The following PCDHGB1 variants were observed in gnomAD, a reference collection of about 807,000 sequenced individuals.
PCDHGB1 encodes the protein protocadherin gamma-B1.
A neutral mutation model predicts 56.6 loss-of-function variants in PCDHGB1; 34 were observed. The ratio of observed to expected loss-of-function variants is 0.60; its 90% confidence interval spans 0.46 to 0.80. PCDHGB1 has a LOEUF of 0.80. Ranked by LOEUF, PCDHGB1 falls within the 30% of genes least tolerant of loss-of-function variation. PCDHGB1 has a pLI of 0.00. For synonymous variants in PCDHGB1, 561 were observed against 505.9 expected, an observed-to-expected ratio of 1.11 and a Z score of -1.46; for missense variants, 1,278 against 1,204.6, an observed-to-expected ratio of 1.06 and a Z score of -0.90.
Position 141,390,222 on chromosome 5 carries a change from G to A in PCDHGB1, c.2409+37553G>A, listed in dbSNP as rs758225583. The A allele has an allele frequency of 1.1e-5, 18 of 1,613,904 alleles. 1 individual carries two copies. In the Middle Eastern group the frequency reaches 9.9e-4, roughly 88 times the overall value. ...GAGTTCAGGACAAGACATACTTTGC[G>A]GTGATTCATCTGGGGCCTTATTTCC... On this transcript the variant is annotated intron_variant, in intron 1 of 3. Transcript: ENST00000523390.
intron 1 of PCDHGB1, among the ~76,000 whole-genome samples, chr5:141,492,927 G>A (rs925569925): frequency 2.0e-5 from 3 of 152,180 alleles, no homozygotes; most frequent in Admixed American, 6.5e-5. Context: ...AGCGATCTAG[G>A]GTCAGAGATT....
chr5:141,395,363 T>C (rs2093221465), intron 1 of PCDHGB1: 2 of 1,278,044 alleles, frequency 1.6e-6, no homozygotes, highest in Admixed American at 5.9e-5. Context: ...GTTTTGGGTT[T>C]ATTTTGGTGG....
chr5:141,459,886 G>A (rs932435611), intron 1 of PCDHGB1, among the ~76,000 whole-genome samples: 2 of 152,080 alleles, frequency 1.3e-5, no homozygotes, highest in Non-Finnish European at 2.9e-5. Context: ...TGAGCTGAAC[G>A]CCTTCTTAAA....
chr5:141,383,107 G>A, intron 1 of PCDHGB1: 1 of 1,614,032 alleles, frequency 6.2e-7, no homozygotes, highest in South Asian at 1.1e-5. Context: ...CATCTCCAGA[G>A]GTAGGACGCA....
chr5:141,502,825 G>A (rs1487995525), intron 2 of PCDHGB1, among the ~76,000 whole-genome samples: 4 of 151,216 alleles, frequency 2.6e-5, no homozygotes, highest in South Asian at 2.1e-4. Flanking sequence ...TTTCCTTGGG[G>A]AAGCCTGGAC....
At chr5:141,394,692 C>T (rs1356120664) in intron 1 of PCDHGB1, 1 of 1,613,028 alleles carries the variant, frequency 6.2e-7, no homozygotes, top group Non-Finnish European at 8.5e-7. Context: ...GGGCGAGGTG[C>T]GCACGGCGCG....
At chr5:141,413,767 C>A in intron 1 of PCDHGB1, 1 of 1,612,972 alleles carries the variant, frequency 6.2e-7, no homozygotes, top group South Asian at 1.1e-5. Flanking sequence ...GTACCCGGAG[C>A]TGGTACTGGA....
chr5:141,376,623 G>A (rs559036357), intron 1 of PCDHGB1: 243 of 1,327,112 alleles, frequency 1.8e-4, no homozygotes, highest in Middle Eastern at 7.8e-4. Context: ...TTTGGTACAG[G>A]AAGATTCGTG....
rs757691247 is a variant in PCDHGB1 at position 141,399,920 on chromosome 5, C to T, written c.2409+47251C>T. On this transcript the variant is annotated intron_variant, in intron 1 of 3. Coordinates refer to ENST00000523390, the MANE Select transcript of PCDHGB1 (RefSeq NM_018922.3). ...GTGGACGCAGACTCAGGACACAACG[C>T]CTGGCTGTCCTACCACGTGCTGCAG... is the stretch of plus-strand genomic sequence containing the variant. 1.2e-5 allele frequency: 20 copies of T among 1,612,216 alleles called. No homozygotes were observed. The South Asian group carries it at 2.1e-4, about 17-fold the overall frequency.
chr5:141,449,782 T>C (rs2098655261), intron 1 of PCDHGB1, among the ~76,000 whole-genome samples: 1 of 151,720 alleles, frequency 6.6e-6, no homozygotes, highest in South Asian at 2.1e-4. Flanking sequence ...GAAATTATGT[T>C]TCTTTATTCC....
intron 1 of PCDHGB1, chr5:141,366,006 C>G: frequency 1.9e-6 from 3 of 1,614,240 alleles, no homozygotes; most frequent in Non-Finnish European, 2.5e-6. Context: ...AACGACAATA[C>G]GCCTGAGATC....
chr5:141,383,388 C>A (rs764387936), intron 1 of PCDHGB1: 106 of 1,613,860 alleles, frequency 6.6e-5, no homozygotes, highest in Non-Finnish European at 8.6e-5. Flanking sequence ...CAGATGTGGG[C>A]ACGAACTCCC....
intron 1 of PCDHGB1, among the ~76,000 whole-genome samples, chr5:141,445,784 G>A (rs2098477494): frequency 6.6e-6 from 1 of 152,168 alleles, no homozygotes; most frequent in Non-Finnish European, 1.5e-5. Flanking sequence ...GGGCTAGGGA[G>A]GCTAGAAACA....
chr5:141,363,100 A>G (rs1762808567), intron 1 of PCDHGB1, among the ~76,000 whole-genome samples: 3 of 152,266 alleles, frequency 2.0e-5, no homozygotes, highest in Admixed American at 2.0e-4. Context: ...AAGGACAGGC[A>G]ATGTTTGAGG....
intron 1 of PCDHGB1, chr5:141,417,116 C>A (rs1407873769): frequency 6.6e-6 from 1 of 151,954 alleles, no homozygotes; most frequent in Non-Finnish European, 1.5e-5. Context: ...ATACAGGACA[C>A]CCTGGATGAT....
At chr5:141,433,150 G>C (rs1466566074) in intron 1 of PCDHGB1, 5 of 1,613,936 alleles carry the variant, frequency 3.1e-6, no homozygotes, top group Middle Eastern at 1.6e-4. Flanking sequence ...CAGGTGATTC[G>C]GTATTTTCTA....
chr5:141,485,226 T>C lies in PCDHGB1; in HGVS notation c.2410-9581T>C. ...GAAATCTGGCGGTGGGCTACCCTTT[T>C]GTTCCTCTTTTACCACCTGGGTTAC... On this transcript the variant is annotated intron_variant, in intron 1 of 3. Transcript: ENST00000523390. The surrounding 1 kb of genome is among the most constrained non-coding windows in gnomAD (Gnocchi z 5.7). 1.9e-6 allele frequency: 3 copies of C among 1,614,170 alleles called. No homozygotes were observed. Among genetic ancestry groups the C allele is most frequent in the Non-Finnish European group, 2.5e-6 (3 of 1,180,026 alleles).
chr5:141,458,551 T>A (rs1019302178), intron 1 of PCDHGB1, among the ~76,000 whole-genome samples: 1 of 148,194 alleles, frequency 6.7e-6, no homozygotes, highest in Non-Finnish European at 1.5e-5. Flanking sequence ...TTTGTTTGTT[T>A]GTTTTGGTTT....
intron 1 of PCDHGB1, chr5:141,426,793 A>G: frequency 2.2e-6 from 1 of 456,734 alleles, no homozygotes; most frequent in South Asian, 1.5e-5. Context: ...CAGAGTTACC[A>G]GCTCAGTTCT....
Sources: gnomAD v4.1 joint callset for allele counts (sites outside exome capture counted in the v4.1 genomes callset) on GRCh38, gnomAD v4.1.1 for gene constraint, Gnocchi (gnomAD v3.1) non-coding constraint, MANE v1.5 for transcripts, NCBI Gene and HGNC (gene_info 2026-07-23, HGNC 2026-07-21) for gene names.